The following C17orf67 variants were observed in gnomAD, a reference collection of about 807,000 sequenced individuals.
C17orf67 encodes the protein chromosome 17 open reading frame 67, also known as uncharacterized protein C17orf67.
In C17orf67, 12 loss-of-function variants were observed where a neutral mutation model predicts 11.2. The observed-to-expected ratio is 1.07, with a 90% CI of 0.68 to 1.73. C17orf67 has a LOEUF of 1.73. Among genes scored for constraint, C17orf67 ranks in the 40% most tolerant of loss-of-function variants. C17orf67 has a pLI of 0.00. For missense variants in C17orf67, 115 were observed against 113.5 expected, an observed-to-expected ratio of 1.01 and a Z score of -0.06; for synonymous variants, 59 against 46.9, an observed-to-expected ratio of 1.26 and a Z score of -1.05.
At chr17:56,820,645 AC>A (rs1477560422) in intron 4 of C17orf67, among the ~76,000 whole-genome samples, 10 of 152,310 alleles carry the variant, frequency 6.6e-5, no homozygotes, top group Admixed American at 2.0e-4. Flanking sequence ...GTTGAAGGAA[AC>A]AATGTTATTT....
chr17:56,819,608 G>C (rs1024815930), intron 4 of C17orf67, among the ~76,000 whole-genome samples: 2 of 152,170 alleles, frequency 1.3e-5, no homozygotes, highest in Non-Finnish European at 2.9e-5. Context: ...GTTCAGGTGT[G>C]ATACTGGCAG....
At chr17:56,795,244 G>A (rs1905190979) in intron 6 of C17orf67, 64 bp from the exon 7 acceptor site, 21 of 1,443,510 alleles carry the variant, frequency 1.5e-5, no homozygotes, top group South Asian at 2.3e-5. Flanking sequence ...ATCAATATGC[G>A]TGGTGTGGCT....
Position 56,832,907 on chromosome 17 carries a change from T to C in C17orf67, c.-566A>G, listed in dbSNP as rs892651293. On this transcript the variant is annotated 5_prime_UTR_variant, in exon 2 of 8. Transcript: ENST00000397861. ...ATACATACACACATACACGTATATATACATCTATATGTGTATTCTTAATGA... is the reference window on the plus strand; with the variant it reads ...ATACATACACACATACACGTATATACACATCTATATGTGTATTCTTAATGA... 2 of 152,260 alleles carry C rather than the reference T, an allele frequency of 1.3e-5. No individual in the cohort carries two copies. The highest frequency in any genetic ancestry group is 4.8e-5 in the African/African-American group (2 of 41,466). The allele number at this position is 152,260 out of a possible 1,614,324, so 9.4% of individuals were successfully genotyped here.
At chr17:56,824,299 GT>G (rs2144147576) in intron 4 of C17orf67, among the ~76,000 whole-genome samples, 1 of 152,308 alleles carries the variant, frequency 6.6e-6, no homozygotes, top group South Asian at 2.1e-4. Context: ...TTTTGTTCAT[GT>G]TATGACACAG....
chr17:56,825,944 AGTGTGTGT>A (rs34927974), intron 2 of C17orf67, among the ~76,000 whole-genome samples: 1 of 90,186 alleles, frequency 1.1e-5, no homozygotes, highest in African/African-American at 3.7e-5. Flanking sequence ...GAAACCTGTG[AGTGTGTGT>A]GTGTGTGTGC....
intron 4 of C17orf67, among the ~76,000 whole-genome samples, chr17:56,817,262 C>T (rs1716127811): frequency 6.6e-6 from 1 of 152,110 alleles, no homozygotes; most frequent in South Asian, 2.1e-4. Context: ...GGTCACTTTG[C>T]CAGCTCAAAA....
chr17:56,796,129 T>C (rs926892781), intron 6 of C17orf67, among the ~76,000 whole-genome samples: 1 of 152,170 alleles, frequency 6.6e-6, no homozygotes, highest in East Asian at 1.9e-4. Context: ...AGTCTGGCAG[T>C]TCCTTACAAT....
intron 6 of C17orf67, among the ~76,000 whole-genome samples, chr17:56,810,216 A>C (rs1905584695): frequency 8.5e-6 from 1 of 117,592 alleles, no homozygotes; most frequent in African/African-American, 3.4e-5. Flanking sequence ...CACACACACC[A>C]TCACACCCCT....
At chr17:56,826,222 G>A (rs1184544537) in intron 2 of C17orf67, among the ~76,000 whole-genome samples, 3 of 152,276 alleles carry the variant, frequency 2.0e-5, no homozygotes, top group East Asian at 3.9e-4. Context: ...CCAAAGTGCT[G>A]GGATTACAGG....
rs1054345057 is a variant in C17orf67, at chr17:56,815,111, G to C, written c.56-142C>G. Reference sequence around the variant, plus strand: ...TTCCCGGGGACCTGTCCCAAAGGATGCAGCATTCCAGAGGGCTCAGGAAGG... The same window carrying C: ...TTCCCGGGGACCTGTCCCAAAGGATCCAGCATTCCAGAGGGCTCAGGAAGG... On this transcript the variant is annotated intron_variant, in intron 5 of 7. Coordinates refer to ENST00000397861, the MANE Select transcript of C17orf67 (RefSeq NM_001085430.4). The C allele has an allele frequency of 4.1e-5, 30 of 726,220 alleles. No homozygotes were observed. In the African/African-American group the frequency reaches 4.4e-4, roughly 11 times the overall value. The allele number at this position is 726,220 out of a possible 1,614,324, so 45.0% of individuals were successfully genotyped here.
chr17:56,831,358 T>C (rs1221057113), intron 2 of C17orf67, among the ~76,000 whole-genome samples: 1 of 152,116 alleles, frequency 6.6e-6, no homozygotes, highest in Non-Finnish European at 1.5e-5. Context: ...TGGTGTCCTT[T>C]GCTGGAACAG....
intron 6 of C17orf67, among the ~76,000 whole-genome samples, chr17:56,811,005 G>A (rs901033441): frequency 7.2e-5 from 11 of 152,190 alleles, no homozygotes; most frequent in Non-Finnish European, 1.2e-4. Context: ...ACTCCCAGCC[G>A]CAGGGCCAGC....
intron 4 of C17orf67, among the ~76,000 whole-genome samples, chr17:56,821,719 G>C (rs1444961350): frequency 1.3e-5 from 2 of 152,214 alleles, no homozygotes; most frequent in Non-Finnish European, 2.9e-5. Context: ...TGTTAGGTCT[G>C]GGCAGGTGTG....
chr17:56,809,340 T>C (rs1419824304), intron 6 of C17orf67, among the ~76,000 whole-genome samples: 1 of 151,892 alleles, frequency 6.6e-6, no homozygotes, highest in Non-Finnish European at 1.5e-5. Flanking sequence ...GGCATCCAAG[T>C]ACCTTCCAAC....
intron 6 of C17orf67, among the ~76,000 whole-genome samples, chr17:56,810,486 C>A (rs1203367814): frequency 6.6e-6 from 1 of 152,118 alleles, no homozygotes; most frequent in Non-Finnish European, 1.5e-5. Context: ...CACATACACA[C>A]ATACACAATA....
chr17:56,820,100 C>A (rs1905863085), intron 4 of C17orf67, among the ~76,000 whole-genome samples: 1 of 152,132 alleles, frequency 6.6e-6, no homozygotes. Context: ...CTGATAAATT[C>A]TTGGAAACTG....
At chr17:56,818,156 T>TA (rs952874915) in intron 4 of C17orf67, among the ~76,000 whole-genome samples, 377 of 139,702 alleles carry the variant, frequency 2.7e-3, no homozygotes, top group Non-Finnish European at 3.5e-3. Flanking sequence ...TAGCATTATT[T>TA]AAAAAAAAAA....
chr17:56,810,534 C>T (rs1463163328), intron 6 of C17orf67, among the ~76,000 whole-genome samples: 2 of 152,180 alleles, frequency 1.3e-5, no homozygotes, highest in Non-Finnish European at 2.9e-5. Flanking sequence ...ATCCATCCCA[C>T]CCTCTTCCCA....
At chr17:56,810,753 C>T (rs1905603375) in intron 6 of C17orf67, among the ~76,000 whole-genome samples, 1 of 152,228 alleles carries the variant, frequency 6.6e-6, no homozygotes, top group Non-Finnish European at 1.5e-5. Flanking sequence ...GGCCAGAGGT[C>T]CAGGCTTATC....
Sources: gnomAD v4.1 joint callset for allele counts (sites outside exome capture counted in the v4.1 genomes callset) on GRCh38, gnomAD v4.1.1 for gene constraint, MANE v1.5 for transcripts, NCBI Gene and HGNC (gene_info 2026-07-23, HGNC 2026-07-21) for gene names.